Variants in TMEM232 observed in about 807,000 individuals in gnomAD.
TMEM232 encodes the protein transmembrane protein 232.
TMEM232 carries 80 observed loss-of-function variants against 78.8 expected under a neutral mutation model. That is an observed-to-expected ratio of 1.01 (90% CI 0.85 to 1.22). The LOEUF (loss-of-function observed/expected upper bound fraction) is 1.22. TMEM232 is among the 50% of genes most tolerant of loss of function. TMEM232 has a pLI of 0.00. For synonymous variants in TMEM232, 297 were observed against 254.3 expected, an observed-to-expected ratio of 1.17 and a Z score of -1.60; for missense variants, 881 against 742.2, an observed-to-expected ratio of 1.19 and a Z score of -2.17.
chr5:110,667,565 T>C (rs961603867), intron 1 of TMEM232: 1 of 348,684 alleles, frequency 2.9e-6, no homozygotes, highest in Non-Finnish European at 5.0e-6. Context: ...CTATTATAAG[T>C]ATATATATCC....
At chr5:110,691,868 A>T (rs148768060) in intron 1 of TMEM232, among the ~76,000 whole-genome samples, 3,688 of 152,336 alleles carry the variant, frequency 0.024, 47 homozygotes, top group African/African-American at 0.032. Flanking sequence ...AACAGAATGT[A>T]TAAATACAGT....
At chr5:110,536,264 T>C (rs540658495) in intron 11 of TMEM232, among the ~76,000 whole-genome samples, 33 of 152,320 alleles carry the variant, frequency 2.2e-4, no homozygotes, top group Admixed American at 1.8e-3. Flanking sequence ...CCAGTTCTAG[T>C]AAGGGAACTG....
chr5:110,586,568 TCACACACACA>T (rs61213708), intron 10 of TMEM232, among the ~76,000 whole-genome samples: 3 of 148,388 alleles, frequency 2.0e-5, no homozygotes, highest in Non-Finnish European at 3.0e-5. Flanking sequence ...ACACACCCTT[TCACACACACA>T]CACACACACA....
chr5:110,503,984 G>T (rs1242546483), intron 12 of TMEM232, among the ~76,000 whole-genome samples: 1 of 152,076 alleles, frequency 6.6e-6, no homozygotes, highest in Admixed American at 6.6e-5. Context: ...CCCTTTGTGT[G>T]TTGTTCAAAA....
At chr5:110,556,260 T>G (rs1256177073) in intron 11 of TMEM232, among the ~76,000 whole-genome samples, 2 of 152,134 alleles carry the variant, frequency 1.3e-5, no homozygotes, top group Non-Finnish European at 2.9e-5. Flanking sequence ...TGGTTAGATA[T>G]GAAACTCTTG....
chr5:110,715,935 T>C (rs1580772975), intron 1 of TMEM232, among the ~76,000 whole-genome samples: 2 of 152,282 alleles, frequency 1.3e-5, no homozygotes, highest in East Asian at 3.9e-4. Context: ...AGACATTCCT[T>C]TCTACTGATA....
At chr5:110,728,888 T>C (rs1196845661), upstream of TMEM232, among the ~76,000 whole-genome samples, 1 of 151,320 alleles carries the variant, frequency 6.6e-6, no homozygotes, top group East Asian at 1.9e-4. Context: ...TATTTTATTT[T>C]ATTATTATTT....
intron 4 of TMEM232, among the ~76,000 whole-genome samples, chr5:110,639,876 C>T (rs1198051397): frequency 3.3e-5 from 5 of 152,162 alleles, no homozygotes; most frequent in African/African-American, 7.2e-5. Context: ...ACTGCTGATC[C>T]GACAGGAGGT....
chr5:110,647,740 C>T (rs1366444988), intron 2 of TMEM232, among the ~76,000 whole-genome samples: 1 of 151,860 alleles, frequency 6.6e-6, no homozygotes. Context: ...ATTGACATTT[C>T]ACATTACTTC....
At chr5:110,467,234 G>A (rs143365716) in intron 12 of TMEM232, among the ~76,000 whole-genome samples, 1 of 152,274 alleles carries the variant, frequency 6.6e-6, no homozygotes, top group African/African-American at 2.4e-5. Flanking sequence ...GAACCATAGA[G>A]AGGTAGGCTA....
chr5:110,575,227 T>C (rs188252538), intron 10 of TMEM232, among the ~76,000 whole-genome samples: 6 of 152,162 alleles, frequency 3.9e-5, no homozygotes, highest in African/African-American at 9.6e-5. Context: ...TTTGCATATA[T>C]CATCATTATT....
chr5:110,694,631 C>T (rs548301611), intron 1 of TMEM232, among the ~76,000 whole-genome samples: 1 of 151,616 alleles, frequency 6.6e-6, no homozygotes, highest in South Asian at 2.1e-4. Flanking sequence ...AAATGGAAAA[C>T]AAAAAAAGGC....
chr5:110,695,644 C>A (rs1344385696), intron 1 of TMEM232, among the ~76,000 whole-genome samples: 2 of 152,136 alleles, frequency 1.3e-5, no homozygotes, highest in East Asian at 3.8e-4. Flanking sequence ...CACAGAAATA[C>A]AAACTACCAT....
intron 2 of TMEM232, among the ~76,000 whole-genome samples, chr5:110,400,533 A>C (rs145358923): frequency 3.1e-4 from 47 of 152,122 alleles, no homozygotes; most frequent in South Asian, 1.7e-3. Flanking sequence ...AATATAAGAC[A>C]TACATCAGAT....
intron 10 of TMEM232, among the ~76,000 whole-genome samples, chr5:110,587,657 A>C (rs909115249): frequency 1.8e-5 from 2 of 108,800 alleles, no homozygotes; most frequent in African/African-American, 8.9e-5. Flanking sequence ...TCATGGGTAC[A>C]TGTATGTATA....
intron 10 of TMEM232, among the ~76,000 whole-genome samples, chr5:110,572,656 T>G (rs1395990388): frequency 1.3e-5 from 2 of 152,066 alleles, no homozygotes; most frequent in African/African-American, 4.8e-5. Flanking sequence ...TATATTCTGA[T>G]AGTTATGTTT....
chr5:110,625,267 C>A lies in TMEM232; in HGVS notation c.768G>T (p.Met256Ile). Residue 256 changes from methionine (M) to isoleucine (I), a missense_variant and splice_region_variant, in exon 7 of 14, where the codon ATG becomes ATT. Transcript: ENST00000455884. ...ATACCCACCATACCAGATTACTCACCATATCAGAATCTGTGTTCTCATATC... is the reference window on the plus strand; with the variant it reads ...ATACCCACCATACCAGATTACTCACAATATCAGAATCTGTGTTCTCATATC... ...KKRYENTDSDMGGYEINHLLW... is the reference protein window; with the variant it reads ...KKRYENTDSDIGGYEINHLLW... 6.5e-7 allele frequency: 1 copy of A among 1,529,822 alleles called. No individual in the cohort carries two copies. The highest frequency in any genetic ancestry group is 8.8e-7 in the Non-Finnish European group (1 of 1,136,784). The allele number at this position is 1,529,822 out of a possible 1,614,324, so 94.8% of individuals were successfully genotyped here. A position where few individuals can be genotyped will look rare whatever the true frequency, so the allele number is the denominator to read the frequency against.
chr5:110,463,007 T>TATCA (rs1761704944), intron 12 of TMEM232, among the ~76,000 whole-genome samples: 1 of 152,154 alleles, frequency 6.6e-6, no homozygotes, highest in African/African-American at 2.4e-5. Flanking sequence ...CGGATTTAAA[T>TATCA]ATCAAATAAA....
At chr5:110,392,203 G>T (rs997791902) in intron 3 of TMEM232, among the ~76,000 whole-genome samples, 4 of 152,148 alleles carry the variant, frequency 2.6e-5, no homozygotes, top group Admixed American at 6.5e-5. Flanking sequence ...TGCCTTAATT[G>T]CTCTCCCAGT....
Sources: allele counts gnomAD v4.1 joint callset (sites outside exome capture counted in the v4.1 genomes callset), GRCh38; gene constraint gnomAD v4.1.1; transcripts MANE v1.5; gene names NCBI Gene and HGNC (gene_info 2026-07-23, HGNC 2026-07-21).